The following CCSER1 variants were observed in gnomAD, a reference collection of about 807,000 sequenced individuals.
The protein encoded by CCSER1 is coiled-coil serine rich protein 1, also known as serine-rich coiled-coil domain-containing protein 1.
Under a neutral mutation model 82.0 loss-of-function variants are expected in CCSER1, and 41 were observed. The observed-to-expected ratio is 0.50, with a 90% confidence interval of 0.39 to 0.65. CCSER1 has a LOEUF of 0.65. CCSER1 is among the 30% of genes least tolerant of loss of function. The pLI, the probability that CCSER1 is intolerant of heterozygous loss-of-function variation, is 0.00. For synonymous variants in CCSER1, 414 were observed against 383.9 expected, an observed-to-expected ratio of 1.08 and a Z score of -0.92; for missense variants, 1,119 against 1,064.2, an observed-to-expected ratio of 1.05 and a Z score of -0.72.
chr4:91,125,910 G>A (rs1727470391), intron 10 of CCSER1, among the ~76,000 whole-genome samples: 2 of 151,398 alleles, frequency 1.3e-5, no homozygotes, highest in Non-Finnish European at 3.0e-5. Context: ...GAAAGACTGG[G>A]TTTAATCCAA....
intron 10 of CCSER1, among the ~76,000 whole-genome samples, chr4:91,468,137 T>C (rs1451159987): frequency 1.3e-5 from 2 of 152,162 alleles, no homozygotes; most frequent in African/African-American, 2.4e-5. Context: ...ATTAAGAATA[T>C]GTGGCACATA....
chr4:91,152,284 C>G (rs1560471374), intron 10 of CCSER1, among the ~76,000 whole-genome samples: 1 of 152,148 alleles, frequency 6.6e-6, no homozygotes, highest in Non-Finnish European at 1.5e-5. Flanking sequence ...TTATTAGAGA[C>G]TAGGATTGCA....
chr4:90,168,745 T>G (rs1731016450), intron 1 of CCSER1, among the ~76,000 whole-genome samples: 1 of 148,310 alleles, frequency 6.7e-6, no homozygotes. Flanking sequence ...CCTTTCCCCA[T>G]TTCTTGTTTT....
intron 10 of CCSER1, among the ~76,000 whole-genome samples, chr4:91,087,816 A>T (rs193180849): frequency 6.6e-6 from 1 of 152,250 alleles, no homozygotes; most frequent in East Asian, 1.9e-4. Flanking sequence ...GCACTGGGTT[A>T]CTTAAGCATA....
At chr4:90,536,879 AT>A (rs1220930335) in intron 5 of CCSER1, among the ~76,000 whole-genome samples, 2 of 152,204 alleles carry the variant, frequency 1.3e-5, no homozygotes, top group Non-Finnish European at 2.9e-5. Flanking sequence ...TGAAAACAGA[AT>A]TTCCAAAGTC....
Position 91,181,956 on chromosome 4 carries a change from G to C in CCSER1, c.2217+95962G>C, listed in dbSNP as rs114981899. ...CCCGATAAGTATAATTGTTCTCTGT[G>C]TCAGTCCTTATTGAAGGAATACTCA... On this transcript the variant is annotated intron_variant, in intron 10 of 10. Coordinates refer to ENST00000509176, the MANE Select transcript of CCSER1 (RefSeq NM_001145065.2). 4.9e-3 allele frequency among the ~76,000 whole-genome samples: 740 copies of C among 152,272 alleles called. 6 individuals are homozygous for C. The highest frequency in any genetic ancestry group is 0.017 in the African/African-American group (697 of 41,544).
chr4:90,406,599 G>A (rs1243028316), intron 4 of CCSER1, among the ~76,000 whole-genome samples: 1 of 151,402 alleles, frequency 6.6e-6, no homozygotes, highest in Non-Finnish European at 1.5e-5. Context: ...AAGACCATAA[G>A]ACAGGCCACT....
chr4:90,542,418 T>G (rs747339561), intron 5 of CCSER1, among the ~76,000 whole-genome samples: 5 of 152,092 alleles, frequency 3.3e-5, no homozygotes, highest in Non-Finnish European at 7.4e-5. Flanking sequence ...GAGATGTTAT[T>G]CTTTTTCTGT....
intron 5 of CCSER1, among the ~76,000 whole-genome samples, chr4:90,508,321 T>C (rs1219561388): frequency 6.6e-6 from 1 of 152,098 alleles, no homozygotes; most frequent in Non-Finnish European, 1.5e-5. Context: ...ACCTTGAATG[T>C]CCTTCAACAA....
At chr4:90,418,379 A>G (rs1211422568) in intron 4 of CCSER1, among the ~76,000 whole-genome samples, 1 of 152,098 alleles carries the variant, frequency 6.6e-6, no homozygotes, top group Non-Finnish European at 1.5e-5. Flanking sequence ...TTTTAAATAT[A>G]GAATTTCTCA....
intron 10 of CCSER1, among the ~76,000 whole-genome samples, chr4:91,229,513 C>T (rs925602116): frequency 1.3e-5 from 2 of 152,038 alleles, no homozygotes; most frequent in African/African-American, 4.8e-5. Flanking sequence ...ATTTCTCATT[C>T]TACTGTAAAG....
Position 91,025,026 on chromosome 4 carries a change from T to C in CCSER1, c.2173-60924T>C, listed in dbSNP as rs1740365873. 2.0e-5 allele frequency among the ~76,000 whole-genome samples: 3 copies of C among 152,176 alleles called. No individual in the cohort carries two copies. In the South Asian group the frequency reaches 6.2e-4, roughly 31 times the overall value. On this transcript the variant is annotated intron_variant, in intron 9 of 10. Transcript: ENST00000509176. ...GCAGTGTTTACAAAGGAGTCTGTCCTGTTCAATGTGTTTAAGAGTGAATAA... is the reference window on the plus strand; with the variant it reads ...GCAGTGTTTACAAAGGAGTCTGTCCCGTTCAATGTGTTTAAGAGTGAATAA...
At chr4:91,083,257 T>C (rs948291923) in intron 9 of CCSER1, among the ~76,000 whole-genome samples, 30 of 152,158 alleles carry the variant, frequency 2.0e-4, no homozygotes, top group Admixed American at 1.0e-3. Context: ...TCATGTCCTT[T>C]ATAGGGACAT....
At chr4:90,802,640 T>C (rs922867249) in intron 7 of CCSER1, among the ~76,000 whole-genome samples, 1 of 152,198 alleles carries the variant, frequency 6.6e-6, no homozygotes, top group Admixed American at 6.5e-5. Context: ...AACAAAATTG[T>C]GGTTTTCTTA....
intron 8 of CCSER1, among the ~76,000 whole-genome samples, chr4:90,846,261 A>G (rs1481925201): frequency 6.6e-6 from 1 of 152,220 alleles, no homozygotes; most frequent in Non-Finnish European, 1.5e-5. Flanking sequence ...CGTGAGAGTT[A>G]AATTACTCCA....
At chr4:90,365,409 T>C (rs1746117360) in intron 3 of CCSER1, among the ~76,000 whole-genome samples, 1 of 151,828 alleles carries the variant, frequency 6.6e-6, no homozygotes, top group African/African-American at 2.4e-5. Context: ...ATTTCTAATA[T>C]GTTCCTTCTA....
At chr4:91,444,595 G>A (rs542638271) in intron 10 of CCSER1, among the ~76,000 whole-genome samples, 9 of 151,892 alleles carry the variant, frequency 5.9e-5, no homozygotes, top group Non-Finnish European at 8.8e-5. Context: ...GATTACAGGC[G>A]CCCACCACCA....
chr4:90,186,331 C>G (rs556575773), intron 1 of CCSER1, among the ~76,000 whole-genome samples: 1 of 152,092 alleles, frequency 6.6e-6, no homozygotes, highest in African/African-American at 2.4e-5. Context: ...TTCAATAGGT[C>G]TTGCAGGAAA....
chr4:90,222,833 G>A lies in CCSER1; in HGVS notation c.-41-85411G>A, dbSNP rs138861113. Among the ~76,000 whole-genome samples, 112 of 152,178 alleles carry A rather than the reference G, an allele frequency of 7.4e-4. 1 individual carries two copies. Among genetic ancestry groups the A allele is most frequent in the African/African-American group, 2.6e-3 (106 of 41,522 alleles). On this transcript the variant is annotated intron_variant, in intron 1 of 10. Transcript: ENST00000509176. ...ATTCATATGCAGTTTTACATGCAGA[G>A]TTTCTGTGAACCCTTTGCCAATTTC...
Sources: gnomAD v4.1 joint callset for allele counts (sites outside exome capture counted in the v4.1 genomes callset) on GRCh38, gnomAD v4.1.1 for gene constraint, MANE v1.5 for transcripts, NCBI Gene and HGNC (gene_info 2026-07-23, HGNC 2026-07-21) for gene names.